Variants in VPS13B observed in about 807,000 individuals in gnomAD.
VPS13B encodes vacuolar protein sorting 13 homolog B.
In VPS13B, 285 loss-of-function variants were observed where a neutral mutation model predicts 426.4. That is an observed-to-expected ratio of 0.67 (90% CI 0.61 to 0.74). The LOEUF (loss-of-function observed/expected upper bound fraction) is 0.74. VPS13B is among the 30% of genes least tolerant of loss of function. The pLI, the probability that VPS13B is intolerant of heterozygous loss-of-function variation, is 0.00. For missense variants in VPS13B, 4,537 were observed against 4,782.6 expected (o/e 0.95, Z 1.51); for synonymous variants, 1,676 against 1,676.4 (o/e 1.00, Z 0.01).
Position 99,720,444 on chromosome 8 carries a change from G to A in VPS13B, c.6757G>A (p.Glu2253Lys). The change falls in exon 38 of 62, where the codon GAA (glutamate) becomes AAA (lysine). Residue 2253 changes from glutamate (E) to lysine (K), a missense_variant. Glu to Lys is a moderately conservative substitution (Grantham distance 56). This residue lies in a region of VPS13B where 4,311 missense variants were observed against 4,474.3 expected (regional missense o/e 0.96). Transcript: ENST00000357162. ...GGGAAATTTTGAAGTACAAGTTTCT[G>A]AACCAGTGCCTCAAATGTCATCTCC... ...EEGNFEVQVS[E>K]PVPQMSSPVE... 3 of 1,613,962 alleles carry A rather than the reference G, an allele frequency of 1.9e-6. No homozygotes were observed. The highest frequency in any genetic ancestry group is 2.5e-6 in the Non-Finnish European group (3 of 1,179,914).
intron 19 of VPS13B, among the ~76,000 whole-genome samples, chr8:99,308,642 G>A (rs193145405): frequency 1.3e-5 from 2 of 152,050 alleles, no homozygotes; most frequent in Non-Finnish European, 2.9e-5. Context: ...ATAAACATAC[G>A]TGTGCATGTG....
At chr8:99,532,563 C>T (rs1332563239) in intron 30 of VPS13B, among the ~76,000 whole-genome samples, 1 of 151,994 alleles carries the variant, frequency 6.6e-6, no homozygotes, top group African/African-American at 2.4e-5. Flanking sequence ...GAAGTATATA[C>T]AGAATTTGTT....
intron 19 of VPS13B, among the ~76,000 whole-genome samples, chr8:99,339,646 CTTTA>C (rs1811128599): frequency 6.6e-6 from 1 of 151,494 alleles, no homozygotes; most frequent in Admixed American, 6.6e-5. Flanking sequence ...ACAAGACAGG[CTTTA>C]TTTAGGTCAC....
chr8:99,198,935 C>T (rs560763568), intron 17 of VPS13B, among the ~76,000 whole-genome samples: 4 of 151,664 alleles, frequency 2.6e-5, no homozygotes, highest in East Asian at 3.9e-4. Context: ...TAAAGATCCA[C>T]GAAATGTGTA....
chr8:99,037,459 C>G (rs1197717052), intron 2 of VPS13B, among the ~76,000 whole-genome samples: 1 of 152,054 alleles, frequency 6.6e-6, no homozygotes, highest in Non-Finnish European at 1.5e-5. Flanking sequence ...GGCACAGATA[C>G]AATAAACTGT....
chr8:99,831,748 C>T (rs1815073694), intron 51 of VPS13B, among the ~76,000 whole-genome samples: 1 of 152,136 alleles, frequency 6.6e-6, no homozygotes, highest in African/African-American at 2.4e-5. Context: ...TCAAGTATTA[C>T]AAGTAATATA....
At chr8:99,471,428 G>A (rs1223063086) in intron 24 of VPS13B, among the ~76,000 whole-genome samples, 3 of 151,968 alleles carry the variant, frequency 2.0e-5, no homozygotes, top group African/African-American at 7.2e-5. Context: ...ATATGAAGTG[G>A]TACAATATAA....
At chr8:99,029,480 C>T (rs1314119030) in intron 2 of VPS13B, among the ~76,000 whole-genome samples, 2 of 152,068 alleles carry the variant, frequency 1.3e-5, no homozygotes, top group African/African-American at 2.4e-5. Context: ...CCAGCCTGGG[C>T]ACCATTGAGC....
In VPS13B at chr8:99,784,330, G is replaced by A. The variant is rs1812157391; in HGVS notation, c.7795G>A (p.Val2599Ile). ...QAWQQNKCPE[V>I]EELVFSHFVI... The stretch of plus-strand genomic sequence containing the variant: ...TTTCTTTCAGAACAAATGCCCTGAG[G>A]TAGAGGAGTTGGTCTTCAGCCATTT... Residue 2599 changes from valine to isoleucine, a missense_variant, in exon 43 of 62, where the codon GTA becomes ATA. Physicochemically the swap from Val to Ile is conservative, Grantham distance 29. Around this residue, in one of 2 missense-constraint regions of VPS13B, gnomAD observed 4,311 missense variants for 4,474.3 expected, o/e 0.96. Transcript: ENST00000357162. The A allele has an allele frequency of 1.9e-6, 3 of 1,613,504 alleles. No homozygotes were observed. The East Asian group carries it at 6.7e-5, about 36-fold the overall frequency.
At chr8:99,646,952 TA>T (rs1829602871) in intron 34 of VPS13B, among the ~76,000 whole-genome samples, 1 of 152,182 alleles carries the variant, frequency 6.6e-6, no homozygotes. Context: ...AATCCAAATA[TA>T]TCTTTTTTCT....
rs1830218346 is a variant in VPS13B at position 99,661,392 on chromosome 8, A to G, written c.5947A>G (p.Thr1983Ala). The G allele has an allele frequency of 6.2e-7, 1 of 1,613,614 alleles. No individual in the cohort carries two copies. Among genetic ancestry groups the G allele is most frequent in the Admixed American group, 1.7e-5 (1 of 59,946 alleles). The change falls in exon 35 of 62, where the codon ACT (threonine) becomes GCT (alanine). Residue 1983 changes from threonine (T) to alanine (A), a missense_variant. Around this residue, in one of 2 missense-constraint regions of VPS13B, gnomAD observed 4,311 missense variants for 4,474.3 expected, o/e 0.96. Coordinates refer to ENST00000357162, the MANE Select transcript of VPS13B (RefSeq NM_152564.5). ...KTLPEALDYCTVWLQTVPGEI... is the reference protein window; with the variant it reads ...KTLPEALDYCAVWLQTVPGEI... ...TCTGCCTGAAGCCCTTGATTATTGC[A>G]CTGTTTGGCTACAGACAGTGCCTGG...
intron 25 of VPS13B, among the ~76,000 whole-genome samples, chr8:99,484,849 C>CAA (rs34547055): frequency 0.04 from 4,509 of 113,776 alleles, 197 homozygotes; most frequent in African/African-American, 0.12. Context: ...TGTCCTGTCT[C>CAA]AAAAAAAAAA....
At chr8:99,612,409 G>A (rs72674684) in intron 33 of VPS13B, among the ~76,000 whole-genome samples, 20,845 of 152,106 alleles carry the variant, frequency 0.14, 1,975 homozygotes, top group East Asian at 0.39. Context: ...CTCTCTTATT[G>A]AGTGTATTTC....
chr8:99,827,267 G>A (rs1485688198), intron 51 of VPS13B, among the ~76,000 whole-genome samples: 1 of 152,114 alleles, frequency 6.6e-6, no homozygotes, highest in African/African-American at 2.4e-5. Context: ...GATCTATTCA[G>A]CGATTTGACT....
At chr8:99,657,756 A>T (rs1407750065) in intron 34 of VPS13B, among the ~76,000 whole-genome samples, 1 of 152,092 alleles carries the variant, frequency 6.6e-6, no homozygotes, top group Non-Finnish European at 1.5e-5. Flanking sequence ...TTCTTTGGAC[A>T]TTTACTTATA....
At chr8:99,124,008 G>A (rs192779622) in intron 8 of VPS13B, among the ~76,000 whole-genome samples, 1 of 152,142 alleles carries the variant, frequency 6.6e-6, no homozygotes, top group African/African-American at 2.4e-5. Flanking sequence ...TATTAAGACT[G>A]AAATTAGTGT....
chr8:99,570,279 T>A (rs1825406941), intron 31 of VPS13B, among the ~76,000 whole-genome samples: 1 of 152,132 alleles, frequency 6.6e-6, no homozygotes, highest in Non-Finnish European at 1.5e-5. Context: ...TCTTTAGTAT[T>A]TTCTCTTTTC....
At position 99,143,155 on chromosome 8, in the gene VPS13B, G is replaced by A; in HGVS notation, c.1833G>A (p.Arg611=). The A allele has an allele frequency of 6.2e-7, 1 of 1,613,938 alleles. No homozygotes were observed. The highest frequency in any genetic ancestry group is 8.5e-7 in the Non-Finnish European group (1 of 1,179,914). ...AACATGAATATGAACCATATAGCAGGCTAAAATCAGGTTTGTTTCTGGATT... is the reference window on the plus strand; with the variant it reads ...AACATGAATATGAACCATATAGCAGACTAAAATCAGGTTTGTTTCTGGATT... ...ALEHEYEPYS[R]LKSDIKDENE... Residue 611 remains arginine (R), a synonymous_variant, in exon 13 of 62, where the codon AGG becomes AGA. Coordinates refer to ENST00000357162, the MANE Select transcript of VPS13B (RefSeq NM_152564.5).
Position 99,853,964 on chromosome 8 carries a change from T to C in VPS13B, c.10575T>C (p.Pro3525=). Residue 3525 remains proline, a synonymous_variant, in exon 56 of 62, where the codon CCT becomes CCC. Coordinates refer to ENST00000357162, the MANE Select transcript of VPS13B (RefSeq NM_152564.5). ...AGACTTTGTTTGACACCTACCTTCC[T>C]AACAGCAGGTTGGCTGGTCACTCCA... ...YIKTLFDTYL[P]NSRLAGHSTH... is the part of the protein sequence containing the mutation. 2 of 1,614,250 alleles carry C rather than the reference T, an allele frequency of 1.2e-6. No individual in the cohort carries two copies. Among genetic ancestry groups the C allele is most frequent in the African/African-American group, 1.3e-5 (1 of 75,062 alleles).
Sources: gnomAD v4.1 joint callset for allele counts (sites outside exome capture counted in the v4.1 genomes callset) on GRCh38, gnomAD v4.1.1 for gene constraint, gnomAD v4.1.1 regional missense constraint, MANE v1.5 for transcripts, NCBI Gene and HGNC (gene_info 2026-07-23, HGNC 2026-07-21) for gene names.